PRUNE1: variants seen among roughly 807,000 people sequenced by gnomAD.
PRUNE1 encodes the protein prune exopolyphosphatase 1.
Under a neutral mutation model 42.5 loss-of-function variants are expected in PRUNE1, and 25 were observed. The ratio of observed to expected loss-of-function variants is 0.59; its 90% CI spans 0.43 to 0.82. PRUNE1 has a LOEUF of 0.82. Ranked by LOEUF, PRUNE1 falls within the 40% of genes least tolerant of loss-of-function variation. The pLI, the probability that PRUNE1 is intolerant of heterozygous loss-of-function variation, is 0.00. For missense variants in PRUNE1, 443 were observed against 539.3 expected (o/e 0.82, Z 1.77); for synonymous variants, 203 against 217.1 (o/e 0.93, Z 0.57).
chr1:151,024,043 C>T (rs752504136), intron 3 of PRUNE1, among the ~76,000 whole-genome samples: 12 of 151,656 alleles, frequency 7.9e-5, no homozygotes, highest in South Asian at 2.1e-4. Flanking sequence ...AAAAATTAGC[C>T]GGGTTTGGTG....
chr1:151,029,616 C>G (rs1357907556), intron 7 of PRUNE1, among the ~76,000 whole-genome samples: 5 of 151,730 alleles, frequency 3.3e-5, no homozygotes, highest in African/African-American at 2.4e-5. Context: ...ATCCGCCCGC[C>G]TTGGCCTCCC....
chr1:151,024,622 C>T lies in PRUNE1; in HGVS notation c.347C>T (p.Ala116Val), dbSNP rs587625635. The change falls in exon 4 of 8, where the codon GCC (alanine) becomes GTC (valine). Residue 116 changes from alanine (A) to valine (V), a missense_variant. Physicochemically the swap from Ala to Val is moderately conservative, Grantham distance 64. Transcript: ENST00000271620. Reference protein sequence around the residue: ...DHHILSKSDTALEEAVAEVLD... With the variant: ...DHHILSKSDTVLEEAVAEVLD... ...CCTCCCCTCCACAGAAGTGACACAG[C>T]CCTAGAGGAGGCAGTAGCAGAGGTG... 5 of 1,608,584 alleles carry T rather than the reference C, an allele frequency of 3.1e-6. No homozygotes were observed. The African/African-American group carries it at 4.0e-5, about 13-fold the overall frequency.
Position 151,025,648 on chromosome 1 carries a change from A to G in PRUNE1, c.654A>G (p.Leu218=), listed in dbSNP as rs149211006. 3.7e-6 allele frequency: 6 copies of G among 1,613,566 alleles called. No individual in the cohort carries two copies. The African/African-American group carries it at 6.7e-5, about 18-fold the overall frequency. The change falls in exon 5 of 8, where the codon CTA becomes CTG. Residue 218 remains leucine, a synonymous_variant. Coordinates refer to ENST00000271620, the MANE Select transcript of PRUNE1 (RefSeq NM_021222.3). ...LPKRNDIFDS[L]QKAKFDVSGL... ...AGAGAAATGATATATTTGATTCCCTACAAAAGGCAAAGTTTGATGTATCAG... is the reference window on the plus strand; with the variant it reads ...AGAGAAATGATATATTTGATTCCCTGCAAAAGGCAAAGTTTGATGTATCAG...
At chr1:151,021,154 A>C (rs587699145) in intron 3 of PRUNE1, among the ~76,000 whole-genome samples, 73 of 150,514 alleles carry the variant, frequency 4.9e-4, no homozygotes, top group African/African-American at 1.6e-3. Flanking sequence ...CTCAAAAAAA[A>C]AAAAAAAAAA....
In PRUNE1 at chr1:151,008,524, TG is replaced by T; in HGVS notation, c.-107del. On this transcript the variant is annotated 5_prime_UTR_variant, in exon 1 of 8. Transcript: ENST00000271620. ...GGGTTCGAGTCCCGCCTCCTGACTC[TG>T]GCCTCTAGTCCCTGAGTCCCGGGCG... is the stretch of plus-strand genomic sequence containing the variant. The T allele has an allele frequency of 7.1e-7, 1 of 1,410,346 alleles. No homozygotes were observed. The highest frequency in any genetic ancestry group is 1.0e-6 in the Non-Finnish European group (1 of 996,446). The allele number at this position is 1,410,346 out of a possible 1,614,324, so 87.4% of individuals were successfully genotyped here.
In PRUNE1 at chr1:151,008,551, G is replaced by C; in HGVS notation, c.-82G>C. On this transcript the variant is annotated 5_prime_UTR_variant, in exon 1 of 8. Coordinates refer to ENST00000271620, the MANE Select transcript of PRUNE1 (RefSeq NM_021222.3). ...GCCTCTAGTCCCTGAGTCCCGGGCG[G>C]GCTGCATTCGTCGGGGAAACCTCTC... The C allele has an allele frequency of 6.5e-7, 1 of 1,539,288 alleles. No homozygotes were observed. The highest frequency in any genetic ancestry group is 9.0e-7 in the Non-Finnish European group (1 of 1,112,052).
chr1:151,032,994 G>A (rs1242604505), intron 7 of PRUNE1, among the ~76,000 whole-genome samples: 2 of 151,872 alleles, frequency 1.3e-5, no homozygotes, highest in African/African-American at 2.4e-5. Flanking sequence ...GGCTGTTCTC[G>A]AATTCCTGAC....
At chr1:151,008,820 TGAGGAGC>T (rs1424630171) in intron 1 of PRUNE1, 149 bp downstream of exon 1, 6 of 1,024,026 alleles carry the variant, frequency 5.9e-6, no homozygotes, top group Non-Finnish European at 9.1e-6. Context: ...TTTTGGGGCA[TGAGGAGC>T]GAGGAGCGAG....
intron 3 of PRUNE1, among the ~76,000 whole-genome samples, chr1:151,021,035 T>TG (rs1674394074): frequency 6.8e-6 from 1 of 147,478 alleles, no homozygotes; most frequent in Non-Finnish European, 1.5e-5. Context: ...AAGTCCCAGC[T>TG]ACTTGGGAGG....
Position 151,034,093 on chromosome 1 carries a change from G to C in PRUNE1, c.1221G>C (p.Leu407=). 1 of 1,614,160 alleles carries C rather than the reference G, an allele frequency of 6.2e-7. No individual in the cohort carries two copies. Among genetic ancestry groups the C allele is most frequent in the African/African-American group, 1.3e-5 (1 of 75,038 alleles). ...GTCAAGATGAGGAGGACCCTCCGCT[G>C]CCCCCGACGCCCATGAACAGCTTGG... ...GLSQDEEDPP[L]PPTPMNSLVD... Residue 407 remains leucine (L), a synonymous_variant, in exon 8 of 8, where the codon CTG becomes CTC. Transcript: ENST00000271620.
At chr1:151,029,626 C>G (rs868502636) in intron 7 of PRUNE1, among the ~76,000 whole-genome samples, 3 of 151,738 alleles carry the variant, frequency 2.0e-5, no homozygotes, top group Middle Eastern at 3.4e-3. Flanking sequence ...CTTGGCCTCC[C>G]AAAGTGCTGG....
At chr1:151,020,599 C>CA (rs1674356174) in intron 3 of PRUNE1, among the ~76,000 whole-genome samples, 1 of 151,896 alleles carries the variant, frequency 6.6e-6, no homozygotes, top group African/African-American at 2.4e-5. Flanking sequence ...CCCATCTCTA[C>CA]AAAAAAATTT....
At chr1:151,032,682 C>T (rs1175881763) in intron 7 of PRUNE1, among the ~76,000 whole-genome samples, 10 of 148,658 alleles carry the variant, frequency 6.7e-5, no homozygotes, top group Non-Finnish European at 1.5e-4. Context: ...CCACTGCACT[C>T]CAGCCTGGGC....
chr1:151,031,689 G>A (rs587665346), intron 7 of PRUNE1, among the ~76,000 whole-genome samples: 2 of 152,202 alleles, frequency 1.3e-5, no homozygotes, highest in Middle Eastern at 3.4e-3. Context: ...GGGTAATAGT[G>A]ATACCAGTCT....
chr1:151,019,556 CAAAAA>C (rs61399605), intron 3 of PRUNE1, among the ~76,000 whole-genome samples: 3 of 106,218 alleles, frequency 2.8e-5, no homozygotes, highest in African/African-American at 3.8e-5. Flanking sequence ...GACCCTGTCT[CAAAAA>C]AAAAAAAAAA....
At chr1:151,017,278 G>A (rs1319739629) in intron 1 of PRUNE1, among the ~76,000 whole-genome samples, 1 of 152,076 alleles carries the variant, frequency 6.6e-6, no homozygotes, top group Admixed American at 6.6e-5. Flanking sequence ...TGCTCTATAA[G>A]TTAACATTGA....
At position 151,008,531 on chromosome 1, in the gene PRUNE1, T is replaced by C; in HGVS notation, c.-102T>C. The C allele has an allele frequency of 6.9e-7, 1 of 1,450,348 alleles. No homozygotes were observed. The highest frequency in any genetic ancestry group is 9.7e-7 in the Non-Finnish European group (1 of 1,031,792). 89.8% of individuals were successfully genotyped at this position (1,450,348 alleles called of 1,614,324 possible). A position where few individuals can be genotyped will look rare whatever the true frequency, so the allele number is the denominator to read the frequency against. ...AGTCCCGCCTCCTGACTCTGGCCTC[T>C]AGTCCCTGAGTCCCGGGCGGGCTGC... On this transcript the variant is annotated 5_prime_UTR_variant, in exon 1 of 8. Coordinates refer to ENST00000271620, the MANE Select transcript of PRUNE1 (RefSeq NM_021222.3).
At chr1:151,023,788 G>GCAA (rs149981390) in intron 3 of PRUNE1, among the ~76,000 whole-genome samples, 4,516 of 152,022 alleles carry the variant, frequency 0.03, 109 homozygotes, top group South Asian at 0.097. Context: ...GGTTGGAAAG[G>GCAA]CAACGCTAAA....
chr1:151,023,691 C>T (rs1003234588), intron 3 of PRUNE1, among the ~76,000 whole-genome samples: 5 of 148,484 alleles, frequency 3.4e-5, no homozygotes, highest in African/African-American at 1.3e-4. Context: ...GCACTCCAGC[C>T]TGGGCGACAC....
Sources: allele counts gnomAD v4.1 joint callset (sites outside exome capture counted in the v4.1 genomes callset), GRCh38; gene constraint gnomAD v4.1.1; transcripts MANE v1.5; gene names NCBI Gene and HGNC (gene_info 2026-07-23, HGNC 2026-07-21).